The following EFCAB6 variants were observed in gnomAD, a reference collection of about 807,000 sequenced individuals.
The protein encoded by EFCAB6 is EF-hand calcium binding domain 6, also known as EF-hand calcium-binding domain-containing protein 6.
Under a neutral mutation model 169.8 loss-of-function variants are expected in EFCAB6, and 156 were observed. The observed-to-expected ratio is 0.92, with a 90% CI of 0.81 to 1.05. The LOEUF is 1.05. Among genes scored for constraint, EFCAB6 ranks in the 50% least tolerant of loss-of-function variants. EFCAB6 has a pLI of 0.00. For synonymous variants in EFCAB6, 698 were observed against 676.4 expected, an observed-to-expected ratio of 1.03 and a Z score of -0.50; for missense variants, 1,800 against 1,829.1, an observed-to-expected ratio of 0.98 and a Z score of 0.29.
In EFCAB6 at chr22:43,635,127, A is replaced by T; in HGVS notation, c.2073T>A (p.Tyr691Ter). Residue 691 changes from tyrosine to a stop codon, truncating the protein, a stop_gained, in exon 18 of 32, where the codon TAT becomes TAA. Coordinates refer to ENST00000262726, the MANE Select transcript of EFCAB6 (RefSeq NM_022785.4). LOFTEE classifies it high-confidence loss of function. ...KIGFEKEGMS[Y>*]LDFAAGFEDP... is the part of the protein sequence containing the mutation. ...CTTCAAATCCTGCTGCAAAATCAAGATAGCTCATCCCTTCCTTCTCGAAGC... is the reference window on the plus strand; with the variant it reads ...CTTCAAATCCTGCTGCAAAATCAAGTTAGCTCATCCCTTCCTTCTCGAAGC... 1 of 1,614,132 alleles carries T rather than the reference A, an allele frequency of 6.2e-7. No homozygotes were observed. Among genetic ancestry groups the T allele is most frequent in the South Asian group, 1.1e-5 (1 of 91,078 alleles).
At chr22:43,777,897 G>C (rs1288307169) in intron 3 of EFCAB6, among the ~76,000 whole-genome samples, 1 of 152,208 alleles carries the variant, frequency 6.6e-6, no homozygotes, top group Non-Finnish European at 1.5e-5. Context: ...GCTGGTGGGA[G>C]TACAAATTGA....
At chr22:43,706,804 T>C (rs2058976320) in intron 10 of EFCAB6, among the ~76,000 whole-genome samples, 1 of 152,214 alleles carries the variant, frequency 6.6e-6, no homozygotes, top group South Asian at 2.1e-4. Flanking sequence ...AGTTGTTTAC[T>C]ATAAAAGGCA....
chr22:43,685,145 G>T (rs1238719706), intron 11 of EFCAB6, among the ~76,000 whole-genome samples: 1 of 152,212 alleles, frequency 6.6e-6, no homozygotes, highest in African/African-American at 2.4e-5. Context: ...CCTTGCTATT[G>T]TCGTTATTTG....
At chr22:43,768,015 C>T (rs1364368546) in intron 4 of EFCAB6, among the ~76,000 whole-genome samples, 2 of 152,158 alleles carry the variant, frequency 1.3e-5, no homozygotes, top group African/African-American at 2.4e-5. Flanking sequence ...GATCAGTATC[C>T]GTCATTGTGA....
At chr22:43,712,509 T>C (rs954268071) in intron 9 of EFCAB6, among the ~76,000 whole-genome samples, 3 of 152,226 alleles carry the variant, frequency 2.0e-5, no homozygotes, top group South Asian at 2.1e-4. Context: ...CATAGAAATA[T>C]TGGTATCTAA....
At chr22:43,722,615 A>C (rs1459656879) in intron 8 of EFCAB6, among the ~76,000 whole-genome samples, 1 of 152,210 alleles carries the variant, frequency 6.6e-6, no homozygotes, top group Non-Finnish European at 1.5e-5. Context: ...TGGGAATGTA[A>C]ATCAGTTCAG....
At chr22:43,675,204 TAATA>T (rs908448976) in intron 13 of EFCAB6, among the ~76,000 whole-genome samples, 7 of 145,760 alleles carry the variant, frequency 4.8e-5, no homozygotes, top group Non-Finnish European at 1.0e-4. Context: ...TTGTAATATA[TAATA>T]TATATCATAT....
chr22:43,780,460 C>A (rs2061783619), intron 3 of EFCAB6, among the ~76,000 whole-genome samples: 1 of 121,254 alleles, frequency 8.2e-6, no homozygotes. Flanking sequence ...GCACTCCAGC[C>A]TGGATGACAG....
chr22:43,600,577 C>A (rs2052429049), intron 22 of EFCAB6, among the ~76,000 whole-genome samples: 1 of 152,188 alleles, frequency 6.6e-6, no homozygotes, highest in Non-Finnish European at 1.5e-5. Context: ...AAGCCACTCA[C>A]CTGTCATTCT....
intron 6 of EFCAB6, among the ~76,000 whole-genome samples, chr22:43,736,287 A>G (rs2060136058): frequency 6.6e-6 from 1 of 152,218 alleles, no homozygotes; most frequent in Non-Finnish European, 1.5e-5. Flanking sequence ...GGCCATATGA[A>G]AAAATCTTTT....
intron 11 of EFCAB6, 134 bp from the exon 12 acceptor site, chr22:43,683,989 T>G: frequency 1.5e-6 from 1 of 653,324 alleles, no homozygotes. Flanking sequence ...TTCCTGACAG[T>G]GTGCTGCACT....
chr22:43,717,555 A>T (rs2059377208), intron 8 of EFCAB6, among the ~76,000 whole-genome samples: 1 of 152,134 alleles, frequency 6.6e-6, no homozygotes, highest in Non-Finnish European at 1.5e-5. Context: ...TAATTCACAT[A>T]AAAAGAATTT....
intron 23 of EFCAB6, among the ~76,000 whole-genome samples, chr22:43,591,204 T>A (rs568367519): frequency 1.3e-5 from 2 of 149,240 alleles, no homozygotes; most frequent in East Asian, 4.0e-4. Context: ...ACGCCCACAA[T>A]CCCAACACTT....
At chr22:43,675,895 T>G (rs1279967882) in intron 13 of EFCAB6, among the ~76,000 whole-genome samples, 1 of 151,704 alleles carries the variant, frequency 6.6e-6, no homozygotes, top group Admixed American at 6.6e-5. Flanking sequence ...CTAAAATCTA[T>G]TCTAAGGAAA....
intron 5 of EFCAB6, among the ~76,000 whole-genome samples, chr22:43,756,198 A>C (rs2060951984): frequency 1.3e-5 from 2 of 152,172 alleles, no homozygotes; most frequent in Admixed American, 6.5e-5. Flanking sequence ...TGCTTTACCG[A>C]GGAGACTGAC....
At chr22:43,563,123 C>T (rs1173366253) in intron 26 of EFCAB6, among the ~76,000 whole-genome samples, 2 of 152,060 alleles carry the variant, frequency 1.3e-5, no homozygotes, top group African/African-American at 4.8e-5. Flanking sequence ...AGTAACCAAG[C>T]GCCGCCTGCC....
intron 9 of EFCAB6, among the ~76,000 whole-genome samples, chr22:43,712,688 A>G (rs1231779946): frequency 1.3e-5 from 2 of 152,178 alleles, no homozygotes; most frequent in Non-Finnish European, 2.9e-5. Context: ...ACTTGGAGAG[A>G]GAAGCAAGAG....
chr22:43,725,484 A>T (rs1384418780), intron 8 of EFCAB6, among the ~76,000 whole-genome samples: 1 of 152,186 alleles, frequency 6.6e-6, no homozygotes, highest in Admixed American at 6.5e-5. Flanking sequence ...ATAATCCATT[A>T]ATCCCCTTCA....
intron 20 of EFCAB6, among the ~76,000 whole-genome samples, chr22:43,617,838 T>TC (rs1318758699): frequency 1.3e-5 from 2 of 152,022 alleles, no homozygotes; most frequent in Non-Finnish European, 2.9e-5. Flanking sequence ...GTGCAGTGGC[T>TC]CACGCCTGTA....
Sources: allele counts gnomAD v4.1 joint callset (sites outside exome capture counted in the v4.1 genomes callset), GRCh38; gene constraint gnomAD v4.1.1; transcripts MANE v1.5; gene names NCBI Gene and HGNC (gene_info 2026-07-23, HGNC 2026-07-21).